CDH13: variants seen among roughly 807,000 people sequenced by gnomAD.
CDH13 encodes cadherin 13.
CDH13 carries 24 observed loss-of-function variants against 63.8 expected under a neutral mutation model. The observed-to-expected ratio is 0.38, with a 90% confidence interval of 0.27 to 0.53. The LOEUF (loss-of-function observed/expected upper bound fraction) is 0.53, where lower values mean the gene tolerates loss of function less well. CDH13 is among the 20% of genes least tolerant of loss of function. The probability of loss-of-function intolerance (pLI) is 0.85; values close to 1 mark genes in which losing one functional copy is unlikely to be tolerated. For synonymous variants in CDH13, 503 were observed against 355.3 expected (o/e 1.42, Z -4.67); for missense variants, 1,049 against 903.1 (o/e 1.16, Z -2.07).
intron 3 of CDH13, among the ~76,000 whole-genome samples, chr16:83,113,997 G>A (rs1363755037): frequency 1.3e-5 from 2 of 152,106 alleles, no homozygotes; most frequent in African/African-American, 4.8e-5. Flanking sequence ...CTCGCTGGCT[G>A]CTGAAGAGAG....
intron 10 of CDH13, among the ~76,000 whole-genome samples, chr16:83,692,921 A>C (rs1416055654): frequency 1.3e-5 from 2 of 152,126 alleles, no homozygotes; most frequent in African/African-American, 4.8e-5. Context: ...GCCTCTACTA[A>C]AAAATACAAA....
intron 6 of CDH13, among the ~76,000 whole-genome samples, chr16:83,447,468 A>G (rs1346608640): frequency 6.6e-6 from 1 of 152,088 alleles, no homozygotes; most frequent in African/African-American, 2.4e-5. Context: ...GTTACTGTGG[A>G]TCAGGACTGT....
intron 3 of CDH13, among the ~76,000 whole-genome samples, chr16:83,105,929 G>A (rs1052163940): frequency 1.3e-5 from 2 of 152,238 alleles, no homozygotes; most frequent in African/African-American, 4.8e-5. Flanking sequence ...GAAGTCATGA[G>A]ACAGTGTGGC....
At chr16:82,627,199 A>C in intron 1 of CDH13, 62 bp downstream of exon 1, 4 of 1,454,956 alleles carry the variant, frequency 2.7e-6, no homozygotes, top group Non-Finnish European at 3.8e-6. Context: ...ATCGCCCGGC[A>C]CGGGCAGGGT....
intron 1 of CDH13, among the ~76,000 whole-genome samples, chr16:82,763,472 T>G (rs2034932142): frequency 1.3e-5 from 2 of 152,126 alleles, no homozygotes; most frequent in African/African-American, 4.8e-5. Context: ...AACAACTGTT[T>G]GCTGAATGAA....
intron 7 of CDH13, among the ~76,000 whole-genome samples, chr16:83,577,947 C>A (rs61044036): frequency 0.017 from 2,656 of 152,166 alleles, 70 homozygotes; most frequent in African/African-American, 0.06. Context: ...ACATAAATAC[C>A]TTTTCCACAA....
At chr16:83,235,723 T>C (rs2040125541) in intron 5 of CDH13, among the ~76,000 whole-genome samples, 1 of 152,198 alleles carries the variant, frequency 6.6e-6, no homozygotes, top group Non-Finnish European at 1.5e-5. Flanking sequence ...TTGAAAATTA[T>C]GTAGATATTA....
intron 10 of CDH13, among the ~76,000 whole-genome samples, chr16:83,680,427 G>C (rs1041733902): frequency 1.3e-5 from 2 of 152,118 alleles, no homozygotes; most frequent in Non-Finnish European, 2.9e-5. Context: ...GGAGTATGGA[G>C]GCAGCCCATA....
intron 5 of CDH13, among the ~76,000 whole-genome samples, chr16:83,280,459 A>G (rs1428021945): frequency 6.6e-6 from 1 of 152,194 alleles, no homozygotes; most frequent in Non-Finnish European, 1.5e-5. Flanking sequence ...TACTGTTTCC[A>G]TCACATCTGC....
At chr16:82,732,501 C>A (rs951367788) in intron 1 of CDH13, among the ~76,000 whole-genome samples, 1 of 152,126 alleles carries the variant, frequency 6.6e-6, no homozygotes, top group East Asian at 1.9e-4. Flanking sequence ...CCAGCCAGGA[C>A]AAATCTATTT....
At position 83,058,405 on chromosome 16, in the gene CDH13, T is replaced by G. The variant is rs185370469; in HGVS notation, c.366+26187T>G. ...TGTTTGTTCTTCTCTGGCGGTTTGG[T>G]GTTCCTATGTTTCAACATGGGGGTA... is the stretch of plus-strand genomic sequence containing the variant. On this transcript the variant is annotated intron_variant, in intron 3 of 13. Transcript: ENST00000567109. Among the ~76,000 whole-genome samples, 281 of 152,340 alleles carry G rather than the reference T, an allele frequency of 1.8e-3. 2 individuals are homozygous for G. The Middle Eastern group carries it at 0.024, about 13-fold the overall frequency.
intron 1 of CDH13, among the ~76,000 whole-genome samples, chr16:82,775,836 T>G (rs1485673222): frequency 6.6e-6 from 1 of 152,154 alleles, no homozygotes; most frequent in African/African-American, 2.4e-5. Flanking sequence ...TTTCCTATTC[T>G]GAAACTCTAC....
intron 7 of CDH13, among the ~76,000 whole-genome samples, chr16:83,597,243 A>G (rs1220624565): frequency 6.6e-6 from 1 of 151,536 alleles, no homozygotes; most frequent in Non-Finnish European, 1.5e-5. Flanking sequence ...ACACACAAAA[A>G]GTAGAAACTT....
At chr16:83,488,073 C>T (rs1334549881) in intron 7 of CDH13, among the ~76,000 whole-genome samples, 2 of 152,164 alleles carry the variant, frequency 1.3e-5, no homozygotes, top group East Asian at 1.9e-4. Context: ...GTAGAGTAAC[C>T]ACTAGTCACA....
At chr16:83,524,832 A>G (rs1372805730) in intron 7 of CDH13, among the ~76,000 whole-genome samples, 1 of 152,092 alleles carries the variant, frequency 6.6e-6, no homozygotes. Flanking sequence ...AAGTTTATCC[A>G]TCTTTAAATG....
At chr16:83,370,111 G>T (rs1468477046) in intron 6 of CDH13, among the ~76,000 whole-genome samples, 1 of 152,138 alleles carries the variant, frequency 6.6e-6, no homozygotes, top group Non-Finnish European at 1.5e-5. Flanking sequence ...TCGTTGGCTA[G>T]GCGCGGTGGC....
In CDH13 at chr16:83,220,420, G is replaced by A. The variant is rs532215520; in HGVS notation, c.636+2923G>A. Reference sequence around the variant, plus strand: ...CCATGGTATTCATGGTAGTCAACACGGTTGGGAGCAAATGTGGTTCTTCAA... The same window carrying A: ...CCATGGTATTCATGGTAGTCAACACAGTTGGGAGCAAATGTGGTTCTTCAA... On this transcript the variant is annotated intron_variant, in intron 5 of 13. Transcript: ENST00000567109. Among the ~76,000 whole-genome samples, 647 of 152,218 alleles carry A rather than the reference G, an allele frequency of 4.3e-3. 4 individuals carry two copies. Among genetic ancestry groups the A allele is most frequent in the Non-Finnish European group, 6.8e-3 (463 of 68,012 alleles).
intron 11 of CDH13, among the ~76,000 whole-genome samples, chr16:83,752,442 A>T (rs935327761): frequency 6.6e-6 from 1 of 152,266 alleles, no homozygotes; most frequent in African/African-American, 2.4e-5. Context: ...TAAAAGTCGT[A>T]TCATTAGGAT....
chr16:83,757,565 G>A (rs563973544), intron 11 of CDH13, among the ~76,000 whole-genome samples: 44 of 152,214 alleles, frequency 2.9e-4, no homozygotes, highest in African/African-American at 9.4e-4. Context: ...GTGACAGAGC[G>A]AGACTCTGTC....
Sources: allele counts gnomAD v4.1 joint callset (sites outside exome capture counted in the v4.1 genomes callset), GRCh38; gene constraint gnomAD v4.1.1; transcripts MANE v1.5; gene names NCBI Gene and HGNC (gene_info 2026-07-23, HGNC 2026-07-21).